XRCC1: variants seen among roughly 807,000 people sequenced by gnomAD.
The protein encoded by XRCC1 is DNA repair protein XRCC1.
In XRCC1, 52 loss-of-function variants were observed where a neutral mutation model predicts 83.3. The ratio of observed to expected loss-of-function variants is 0.62; its 90% CI spans 0.50 to 0.79. The LOEUF is 0.79. XRCC1 is among the 30% of genes least tolerant of loss of function. The pLI is 0.00. For missense variants in XRCC1, 793 were observed against 823.5 expected (o/e 0.96, Z 0.45); for synonymous variants, 281 against 312.6 (o/e 0.90, Z 1.07).
chr19:43,564,916 AGAG>A (rs1205980666), intron 2 of XRCC1, among the ~76,000 whole-genome samples: 3 of 152,192 alleles, frequency 2.0e-5, no homozygotes, highest in Non-Finnish European at 4.4e-5. Context: ...CGGGAGCACT[AGAG>A]GAGAACGTGT....
chr19:43,555,010 C>T (rs1972621611), intron 3 of XRCC1: 1 of 441,482 alleles, frequency 2.3e-6, no homozygotes, highest in Non-Finnish European at 4.0e-6. Flanking sequence ...ATCTCTTTAT[C>T]CTCCAGATGT....
At position 43,552,231 on chromosome 19, in the gene XRCC1, G is replaced by T; in HGVS notation, c.868C>A (p.Arg290=). 6.2e-7 allele frequency: 1 copy of T among 1,612,986 alleles called. No homozygotes were observed. The highest frequency in any genetic ancestry group is 8.5e-7 in the Non-Finnish European group (1 of 1,179,672). ...TTGCCTGTCACTGCCCCCTGTGCTC[G>T]GGCAGGGACTGGGGCTGTGGCTGGG... ...RTPATAPVPA[R]AQGAVTGKPR... Residue 290 remains arginine (R), a synonymous_variant, in exon 9 of 17, where the codon CGA becomes AGA. Transcript: ENST00000262887.
At chr19:43,554,590 AT>A (rs1346033704) in intron 4 of XRCC1, 55 bp downstream of exon 4, 4 of 1,547,098 alleles carry the variant, frequency 2.6e-6, no homozygotes, top group Non-Finnish European at 3.5e-6. Context: ...ATTGGCCCTT[AT>A]TTCCCTCCTT....
intron 15 of XRCC1, 106 bp downstream of exon 15, chr19:43,544,038 A>G (rs1251632066): frequency 2.9e-5 from 33 of 1,136,614 alleles, no homozygotes; most frequent in Non-Finnish European, 4.1e-5. Context: ...GCCCTTCTCC[A>G]TCCTCCTGAT....
At chr19:43,557,124 T>C (rs549470418) in intron 3 of XRCC1, among the ~76,000 whole-genome samples, 12 of 151,702 alleles carry the variant, frequency 7.9e-5, no homozygotes, top group African/African-American at 2.4e-4. Flanking sequence ...CTGGCCAACA[T>C]AGTGAAACCC....
chr19:43,558,523 G>C (rs918083504), intron 3 of XRCC1, among the ~76,000 whole-genome samples: 7 of 151,354 alleles, frequency 4.6e-5, no homozygotes, highest in African/African-American at 1.5e-4. Flanking sequence ...TAGCTACTTG[G>C]GGGGCTGAGG....
In XRCC1 at chr19:43,562,706, C is replaced by T. The variant is rs3213315; in HGVS notation, c.145-1686G>A. The stretch of plus-strand genomic sequence containing the variant: ...GCTGCAGTGAGTCATGTTCGCATCA[C>T]TGTACTCTGGGCGACAGAGTGATGA... On this transcript the variant is annotated intron_variant, in intron 2 of 16. Coordinates refer to ENST00000262887, the MANE Select transcript of XRCC1 (RefSeq NM_006297.3). Among the ~76,000 whole-genome samples the T allele has an allele frequency of 8.2e-3, 1,245 of 152,214 alleles. 16 individuals carry two copies. The highest frequency in any genetic ancestry group is 0.018 in the South Asian group (85 of 4,822).
chr19:43,543,314 G>A lies in XRCC1; in HGVS notation c.*78C>T, dbSNP rs989378941. 36 of 1,410,714 alleles carry A rather than the reference G, an allele frequency of 2.6e-5. No individual in the cohort carries two copies. The highest frequency in any genetic ancestry group is 3.2e-5 in the Non-Finnish European group (33 of 1,020,716). The allele number at this position is 1,410,714 out of a possible 1,614,324, so 87.4% of individuals were successfully genotyped here. ...AGAGTTTTGGGAGACTCTTGGATGAGAACCAACTCATCTTTATTAAATGCA... is the reference window on the plus strand; with the variant it reads ...AGAGTTTTGGGAGACTCTTGGATGAAAACCAACTCATCTTTATTAAATGCA... On this transcript the variant is annotated 3_prime_UTR_variant, in exon 17 of 17. Transcript: ENST00000262887.
Sources: allele counts gnomAD v4.1 joint callset (sites outside exome capture counted in the v4.1 genomes callset), GRCh38; gene constraint gnomAD v4.1.1; transcripts MANE v1.5; gene names NCBI Gene and HGNC (gene_info 2026-07-23, HGNC 2026-07-21).